Variants in IGFBP7 observed in about 807,000 individuals in gnomAD.
IGFBP7 encodes the protein insulin-like growth factor-binding protein 7.
Under a neutral mutation model 29.4 loss-of-function variants are expected in IGFBP7, and 31 were observed. The observed-to-expected ratio is 1.05, with a 90% CI of 0.79 to 1.42. IGFBP7 has a LOEUF of 1.42. IGFBP7 is among the 40% of genes most tolerant of loss of function. The pLI is 0.00. For missense variants in IGFBP7, 393 were observed against 395.5 expected, an observed-to-expected ratio of 0.99 and a Z score of 0.05; for synonymous variants, 172 against 174.9, an observed-to-expected ratio of 0.98 and a Z score of 0.13.
At chr4:57,094,834 A>C (rs750998175) in intron 1 of IGFBP7, among the ~76,000 whole-genome samples, 11 of 152,306 alleles carry the variant, frequency 7.2e-5, no homozygotes, top group Middle Eastern at 3.4e-3. Context: ...AAATTCACCT[A>C]CTTGCTAAAG....
chr4:57,059,700 G>A (rs889622929), intron 1 of IGFBP7, among the ~76,000 whole-genome samples: 2 of 151,912 alleles, frequency 1.3e-5, no homozygotes, highest in Non-Finnish European at 2.9e-5. Context: ...TCCATGACAC[G>A]AGTTTACCTA....
intron 1 of IGFBP7, among the ~76,000 whole-genome samples, chr4:57,077,715 G>A (rs970188260): frequency 3.3e-5 from 5 of 152,216 alleles, no homozygotes; most frequent in African/African-American, 9.7e-5. Context: ...GAATGTAACA[G>A]GAAATGAAAT....
intron 1 of IGFBP7, among the ~76,000 whole-genome samples, chr4:57,058,520 G>C (rs1309669397): frequency 6.6e-6 from 1 of 152,184 alleles, no homozygotes; most frequent in Non-Finnish European, 1.5e-5. Flanking sequence ...TTCAATAAAT[G>C]GTGCTGGGAT....
intron 1 of IGFBP7, among the ~76,000 whole-genome samples, chr4:57,081,007 C>T (rs1725352706): frequency 6.6e-6 from 1 of 152,190 alleles, no homozygotes; most frequent in Admixed American, 6.5e-5. Context: ...AGGATGCTGA[C>T]AGATGCCATC....
Position 57,069,262 on chromosome 4 carries a change from C to T in IGFBP7, c.476-28329G>A, listed in dbSNP as rs138156779. ...CTGCCCATTTGGGGTCTTGGGCCAT[C>T]TGTGGGGCTGGAGGGAGCAGAAAAG... On this transcript the variant is annotated intron_variant, in intron 1 of 4. Transcript: ENST00000295666. 3.5e-3 allele frequency among the ~76,000 whole-genome samples: 536 copies of T among 152,162 alleles called. 3 individuals are homozygous for T. The highest frequency in any genetic ancestry group is 0.012 in the African/African-American group (504 of 41,528).
chr4:57,055,715 T>TCTGCCCTCCTCATTC (rs745693817), intron 1 of IGFBP7, among the ~76,000 whole-genome samples: 25 of 152,144 alleles, frequency 1.6e-4, no homozygotes, highest in Non-Finnish European at 3.2e-4. Context: ...CTGTCCCTCT[T>TCTGCCCTCCTCATTC]CTGCCCTCCT....
chr4:57,108,765 T>A (rs1726099691), intron 1 of IGFBP7, among the ~76,000 whole-genome samples: 1 of 152,152 alleles, frequency 6.6e-6, no homozygotes, highest in African/African-American at 2.4e-5. Flanking sequence ...GTCAGGCTGA[T>A]CTCGAACTCC....
At chr4:57,101,207 T>G (rs1393910793) in intron 1 of IGFBP7, among the ~76,000 whole-genome samples, 5 of 152,230 alleles carry the variant, frequency 3.3e-5, no homozygotes, top group Non-Finnish European at 7.3e-5. Context: ...TCCTGAAGTT[T>G]TGAGGGGGTT....
At chr4:57,048,335 A>C (rs57368116) in intron 1 of IGFBP7, among the ~76,000 whole-genome samples, 14,318 of 152,220 alleles carry the variant, frequency 0.094, 816 homozygotes, top group African/African-American at 0.15. Context: ...AGGAGTGAGC[A>C]ACAGCACCCG....
intron 1 of IGFBP7, among the ~76,000 whole-genome samples, chr4:57,090,654 T>C (rs1725616081): frequency 1.3e-5 from 2 of 151,944 alleles, no homozygotes; most frequent in African/African-American, 4.8e-5. Flanking sequence ...CTGGCCTATG[T>C]GGTGAAACCC....
At chr4:57,084,156 G>A (rs530711636) in intron 1 of IGFBP7, among the ~76,000 whole-genome samples, 5 of 152,158 alleles carry the variant, frequency 3.3e-5, no homozygotes, top group South Asian at 4.2e-4. Context: ...AATTTTGTTC[G>A]CATTTTTGCT....
intron 1 of IGFBP7, among the ~76,000 whole-genome samples, chr4:57,108,722 A>T (rs866612088): frequency 3.2e-4 from 48 of 151,692 alleles, no homozygotes; most frequent in Admixed American, 3.9e-4. Context: ...ATATATATAT[A>T]TTTTTTATTA....
chr4:57,107,325 G>A lies in IGFBP7; in HGVS notation c.475+2552C>T, dbSNP rs780368559. Among the ~76,000 whole-genome samples, 14 of 152,176 alleles carry A rather than the reference G, an allele frequency of 9.2e-5. No individual in the cohort carries two copies. The South Asian group carries it at 1.0e-3, about 11-fold the overall frequency. On this transcript the variant is annotated intron_variant, in intron 1 of 4. Coordinates refer to ENST00000295666, the MANE Select transcript of IGFBP7 (RefSeq NM_001553.3). The stretch of plus-strand genomic sequence containing the variant: ...AATCCCACAATGCTGCCCCTACCTG[G>A]CCCCTACTCAAGTTATACTCAAGCA...
At chr4:57,103,655 C>CTTT (rs1560510152) in intron 1 of IGFBP7, among the ~76,000 whole-genome samples, 33 of 63,660 alleles carry the variant, frequency 5.2e-4, no homozygotes, top group Admixed American at 1.1e-3. Flanking sequence ...TTTTTTTTTT[C>CTTT]TTTTCTTTTT....
chr4:57,087,918 C>T (rs1725535393), intron 1 of IGFBP7, among the ~76,000 whole-genome samples: 2 of 4,150 alleles, frequency 4.8e-4, no homozygotes, highest in Admixed American at 0.012. Flanking sequence ...GTAATCCCAA[C>T]ATTTTGGGAG....
chr4:57,100,508 T>G (rs1725870719), intron 1 of IGFBP7, among the ~76,000 whole-genome samples: 1 of 152,246 alleles, frequency 6.6e-6, no homozygotes, highest in African/African-American at 2.4e-5. Context: ...ACAGCATATA[T>G]GTACCATAAA....
At chr4:57,054,595 C>T (rs533586434) in intron 1 of IGFBP7, among the ~76,000 whole-genome samples, 19 of 145,988 alleles carry the variant, frequency 1.3e-4, no homozygotes, top group Non-Finnish European at 2.1e-4. Flanking sequence ...ACCAAGATCA[C>T]ACCACGGCAC....
chr4:57,048,491 G>A (rs1376233714), intron 1 of IGFBP7, among the ~76,000 whole-genome samples: 1 of 152,190 alleles, frequency 6.6e-6, no homozygotes, highest in Non-Finnish European at 1.5e-5. Context: ...TAGATGGATG[G>A]ATTTAAATTT....
intron 1 of IGFBP7, among the ~76,000 whole-genome samples, chr4:57,053,129 G>A (rs1724553166): frequency 6.6e-6 from 1 of 150,782 alleles, no homozygotes; most frequent in East Asian, 2.0e-4. Context: ...CAGTTCTCCT[G>A]CCTCAGCCTC....
Sources: allele counts gnomAD v4.1 joint callset (sites outside exome capture counted in the v4.1 genomes callset), GRCh38; gene constraint gnomAD v4.1.1; transcripts MANE v1.5; gene names NCBI Gene and HGNC (gene_info 2026-07-23, HGNC 2026-07-21).